Variants in CUBN observed in about 807,000 individuals in gnomAD.
CUBN encodes the protein cubilin, also known as 460 kDa receptor.
Under a neutral mutation model 405.3 loss-of-function variants are expected in CUBN, and 282 were observed. The observed-to-expected ratio is 0.70, with a 90% CI of 0.63 to 0.77. CUBN has a LOEUF of 0.77. Among genes scored for constraint, CUBN ranks in the 30% least tolerant of loss-of-function variants. The pLI is 0.00. For synonymous variants in CUBN, 1,684 were observed against 1,617.0 expected, an observed-to-expected ratio of 1.04 and a Z score of -0.99; for missense variants, 4,514 against 4,475.2, an observed-to-expected ratio of 1.01 and a Z score of -0.25.
intron 14 of CUBN, among the ~76,000 whole-genome samples, chr10:17,096,892 G>A (rs781603507): frequency 1.4e-4 from 21 of 152,046 alleles, no homozygotes; most frequent in African/African-American, 2.4e-4. Context: ...ACTTTCAGCC[G>A]AATGCTAATG....
chr10:17,114,223 T>G, intron 7 of CUBN, 34 bp from the exon 8 acceptor site: 1 of 1,607,960 alleles, frequency 6.2e-7, no homozygotes. Context: ...ATAAAGACAA[T>G]CATGAAAATC....
chr10:16,949,934 A>G lies in CUBN; in HGVS notation c.5080+67T>C, dbSNP rs1842884352. 3.4e-6 allele frequency: 4 copies of G among 1,174,774 alleles called. No individual in the cohort carries two copies. The Admixed American group carries it at 7.4e-5, about 22-fold the overall frequency. The allele number at this position is 1,174,774 out of a possible 1,614,324, so 72.8% of individuals were successfully genotyped here. A position where few individuals can be genotyped will look rare whatever the true frequency, so the allele number is the denominator to read the frequency against. On this transcript the variant is annotated intron_variant, in intron 34 of 66. Transcript: ENST00000377833. Reference sequence around the variant, plus strand: ...ATTGCAACCTAGAATGGCAGCCTATAAATATGCGGATCTATAAATAAAGCA... The same window carrying G: ...ATTGCAACCTAGAATGGCAGCCTATGAATATGCGGATCTATAAATAAAGCA...
chr10:16,965,120 C>T (rs1240727557), intron 31 of CUBN, among the ~76,000 whole-genome samples: 2 of 152,116 alleles, frequency 1.3e-5, no homozygotes, highest in East Asian at 1.9e-4. Flanking sequence ...TCCGATGTAT[C>T]GCTTGGCTCC....
intron 28 of CUBN, among the ~76,000 whole-genome samples, chr10:17,015,107 C>T (rs1834292349): frequency 1.3e-5 from 2 of 152,210 alleles, no homozygotes; most frequent in African/African-American, 4.8e-5. Context: ...GCAGGGACTG[C>T]TGCATTTCCT....
chr10:17,023,052 C>T (rs1346711510), intron 27 of CUBN, among the ~76,000 whole-genome samples: 1 of 152,210 alleles, frequency 6.6e-6, no homozygotes, highest in Non-Finnish European at 1.5e-5. Flanking sequence ...CCTGTCAGCT[C>T]TGCAAGATTA....
chr10:17,051,910 A>G (rs1358964330), intron 22 of CUBN, among the ~76,000 whole-genome samples: 1 of 152,140 alleles, frequency 6.6e-6, no homozygotes, highest in Admixed American at 6.6e-5. Flanking sequence ...AATTCTCCTA[A>G]ATTTTATGAA....
Position 16,845,335 on chromosome 10 carries a change from T to C in CUBN, c.9664-4288A>G, listed in dbSNP as rs530098086. Among the ~76,000 whole-genome samples, 18 of 152,334 alleles carry C rather than the reference T, an allele frequency of 1.2e-4. No homozygotes were observed. The South Asian group carries it at 2.9e-3, about 25-fold the overall frequency. ...CCTGGGAATTTGATCACAAGAGGAT[T>C]TTGATATTCTTACTGGGAGCAGAAT... On this transcript the variant is annotated intron_variant, in intron 60 of 66. Coordinates refer to ENST00000377833, the MANE Select transcript of CUBN (RefSeq NM_001081.4).
chr10:17,065,559 G>T lies in CUBN; in HGVS notation c.3088C>A (p.Leu1030Ile), dbSNP rs746111876. 15 of 1,613,512 alleles carry T rather than the reference G, an allele frequency of 9.3e-6. No homozygotes were observed. In the East Asian group the frequency reaches 2.9e-4, roughly 31 times the overall value. ...TTTATTAAGAAGCCTTCATAAGCGA[G>T]GTCGGAGTCAGTCACAAACACCAGC... ...LMLVFVTDSD[L>I]AYEGFLINYE... The change falls in exon 22 of 67, where the codon CTC becomes ATC. Residue 1030 changes from leucine to isoleucine, a missense_variant. Leu to Ile is a conservative substitution (Grantham distance 5). Around this residue, in one of 5 missense-constraint regions of CUBN, gnomAD observed 1,448 missense variants for 1,388.0 expected, o/e 1.04. Coordinates refer to ENST00000377833, the MANE Select transcript of CUBN (RefSeq NM_001081.4).
intron 4 of CUBN, 105 bp downstream of exon 4, chr10:17,126,656 T>C: frequency 3.9e-6 from 5 of 1,280,088 alleles, no homozygotes; most frequent in Non-Finnish European, 5.7e-6. Flanking sequence ...AGCAAGTTTT[T>C]AATATTAATC....
chr10:16,939,438 C>T lies in CUBN; in HGVS notation c.5549-291G>A, dbSNP rs1475745888. Among the ~76,000 whole-genome samples the T allele has an allele frequency of 2.6e-5, 4 of 151,966 alleles. No individual in the cohort carries two copies. In the South Asian group the frequency reaches 6.2e-4, roughly 24 times the overall value. On this transcript the variant is annotated intron_variant, in intron 37 of 66. Transcript: ENST00000377833. ...ACATGGGAAGGTGGGGTGAGCAGCCCCACTCTCTAATTTTGGTTTATCTAT... is the reference window on the plus strand; with the variant it reads ...ACATGGGAAGGTGGGGTGAGCAGCCTCACTCTCTAATTTTGGTTTATCTAT...
chr10:17,023,324 G>C (rs368796970), intron 27 of CUBN, among the ~76,000 whole-genome samples: 10 of 150,992 alleles, frequency 6.6e-5, no homozygotes, highest in African/African-American at 2.0e-4. Flanking sequence ...TTATGAAAAT[G>C]CTTAAATATA....
At chr10:16,913,036 G>C (rs1841776894) in intron 48 of CUBN, among the ~76,000 whole-genome samples, 1 of 152,076 alleles carries the variant, frequency 6.6e-6, no homozygotes, top group African/African-American at 2.4e-5. Context: ...TTCAATTGTG[G>C]ATATTTTTAA....
At chr10:17,106,360 G>A (rs1297331268) in intron 10 of CUBN, among the ~76,000 whole-genome samples, 1 of 146,788 alleles carries the variant, frequency 6.8e-6, no homozygotes, top group African/African-American at 2.5e-5. Flanking sequence ...CCTGAACTTT[G>A]GGAGGCCGAG....
intron 28 of CUBN, among the ~76,000 whole-genome samples, chr10:17,016,855 T>C (rs1026340258): frequency 6.6e-6 from 1 of 152,200 alleles, no homozygotes; most frequent in Non-Finnish European, 1.5e-5. Context: ...TGCATAGTTG[T>C]GTATTCACCT....
At chr10:17,036,845 A>T (rs74120114) in intron 27 of CUBN, among the ~76,000 whole-genome samples, 17,091 of 152,210 alleles carry the variant, frequency 0.11, 1,245 homozygotes, top group South Asian at 0.32. Context: ...ACTTGGGGGC[A>T]GCAGGAACAC....
At chr10:16,961,936 T>C (rs890040831) in intron 31 of CUBN, among the ~76,000 whole-genome samples, 2 of 151,924 alleles carry the variant, frequency 1.3e-5, no homozygotes, top group Non-Finnish European at 2.9e-5. Context: ...ATGGTCTCCA[T>C]CTCCTGACCT....
intron 36 of CUBN, among the ~76,000 whole-genome samples, chr10:16,943,620 C>A (rs554714941): frequency 1.3e-5 from 2 of 152,154 alleles, no homozygotes; most frequent in East Asian, 1.9e-4. Flanking sequence ...TTCCTCAGAA[C>A]GTAAATTACA....
chr10:16,840,761 G>A (rs1839323105), intron 61 of CUBN, 124 bp downstream of exon 61: 2 of 911,406 alleles, frequency 2.2e-6, no homozygotes, highest in Admixed American at 3.9e-5. Context: ...ATTGAGTTTA[G>A]ATAGTAATTG....
intron 56 of CUBN, among the ~76,000 whole-genome samples, chr10:16,885,380 C>T (rs577356389): frequency 2.6e-5 from 4 of 152,066 alleles, no homozygotes; most frequent in Non-Finnish European, 4.4e-5. Flanking sequence ...AATCCATTAG[C>T]GGAAGCAGAA....
Sources: gnomAD v4.1 joint callset for allele counts (sites outside exome capture counted in the v4.1 genomes callset) on GRCh38, gnomAD v4.1.1 for gene constraint, gnomAD v4.1.1 regional missense constraint, MANE v1.5 for transcripts, NCBI Gene and HGNC (gene_info 2026-07-23, HGNC 2026-07-21) for gene names.